The following TDRD12 variants were observed in gnomAD, a reference collection of about 807,000 sequenced individuals.
The protein encoded by TDRD12 is tudor domain containing 12, also known as putative ATP-dependent RNA helicase TDRD12.
A neutral mutation model predicts 133.5 loss-of-function variants in TDRD12; 158 were observed. That is an observed-to-expected ratio of 1.18 (90% CI 1.04 to 1.35). TDRD12 has a LOEUF of 1.35. TDRD12 is among the 40% of genes most tolerant of loss of function. The probability of loss-of-function intolerance (pLI) is 0.00; values close to 1 mark genes in which losing one functional copy is unlikely to be tolerated. For missense variants in TDRD12, 1,443 were observed against 1,321.3 expected (o/e 1.09, Z -1.43); for synonymous variants, 460 against 477.9 (o/e 0.96, Z 0.49).
At chr19:32,797,852 C>T in exon 15 of TDRD12, 3 of 701,028 alleles carry the variant, frequency 4.3e-6, no homozygotes, top group Non-Finnish European at 7.8e-6. Context: ...AATTGGGCTC[C>T]ATAAAGAGGA....
chr19:32,790,241 G>T (rs1479443598), intron 11 of TDRD12, among the ~76,000 whole-genome samples: 3 of 152,110 alleles, frequency 2.0e-5, no homozygotes, highest in Non-Finnish European at 2.9e-5. Context: ...GTCCTATCTG[G>T]TCTTGTTTTC....
intron 13 of TDRD12, 139 bp downstream of exon 13, chr19:32,791,207 C>T (rs989672505): frequency 2.3e-6 from 2 of 885,856 alleles, no homozygotes; most frequent in South Asian, 2.1e-5. Flanking sequence ...AGATTACAGG[C>T]ATGAGCCACC....
At chr19:32,798,791 T>G (rs1444035437) in intron 16 of TDRD12, among the ~76,000 whole-genome samples, 3 of 152,180 alleles carry the variant, frequency 2.0e-5, no homozygotes, top group Non-Finnish European at 4.4e-5. Flanking sequence ...CTTACTATTT[T>G]GGAGTATTTG....
chr19:32,758,593 A>G (rs1012787449), intron 8 of TDRD12, among the ~76,000 whole-genome samples: 2 of 152,128 alleles, frequency 1.3e-5, no homozygotes, highest in African/African-American at 2.4e-5. Context: ...GCTGCTATCA[A>G]TAGCCCAGAT....
At chr19:32,781,530 A>C (rs1402920899) in intron 11 of TDRD12, among the ~76,000 whole-genome samples, 1 of 152,166 alleles carries the variant, frequency 6.6e-6, no homozygotes, top group Non-Finnish European at 1.5e-5. Context: ...ACAAAACATA[A>C]ATTTTTTAGA....
intron 9 of TDRD12, 95 bp downstream of exon 32, chr19:32,826,844 T>A: frequency 1.3e-6 from 1 of 764,422 alleles, no homozygotes; most frequent in Non-Finnish European, 1.8e-6. Context: ...TTGGTGGAAG[T>A]GGACCGTTCA....
At chr19:32,742,734 A>G (rs898193053) in intron 3 of TDRD12, 47 bp from the exon 4 acceptor site, 51 of 1,521,332 alleles carry the variant, frequency 3.4e-5, no homozygotes, top group Admixed American at 6.3e-5. Flanking sequence ...GGAGTATGTT[A>G]TATATAATTT....
At chr19:32,789,116 C>A (rs1023936761) in intron 11 of TDRD12, among the ~76,000 whole-genome samples, 5 of 152,118 alleles carry the variant, frequency 3.3e-5, no homozygotes, top group Non-Finnish European at 5.9e-5. Context: ...CAGAGGTTCC[C>A]CCCTCTGCCA....
intron 10 of TDRD12, among the ~76,000 whole-genome samples, chr19:32,775,045 G>A (rs944077842): frequency 1.3e-4 from 20 of 151,416 alleles, no homozygotes; most frequent in African/African-American, 4.6e-4. Context: ...TATGCTTGGG[G>A]TTCATTAATG....
chr19:32,721,419 C>G (rs1241280408), intron 1 of TDRD12, among the ~76,000 whole-genome samples: 2 of 151,960 alleles, frequency 1.3e-5, no homozygotes, highest in African/African-American at 4.8e-5. Flanking sequence ...GAGTTTCGCT[C>G]TTGTTGTCTA....
At chr19:32,811,964 G>C (rs1967020675) in intron 24 of TDRD12, among the ~76,000 whole-genome samples, 1 of 152,268 alleles carries the variant, frequency 6.6e-6, no homozygotes, top group African/African-American at 2.4e-5. Context: ...GGAGAGGCCA[G>C]GTGATTCCAC....
At chr19:32,818,254 C>CA in intron 27 of TDRD12, 97 bp downstream of exon 27, 1 of 624,432 alleles carries the variant, frequency 1.6e-6, no homozygotes. Flanking sequence ...GAGGAGTCTC[C>CA]ACGGGCCGAG....
chr19:32,813,988 A>G (rs1401885955), intron 25 of TDRD12, among the ~76,000 whole-genome samples: 1 of 152,236 alleles, frequency 6.6e-6, no homozygotes, highest in African/African-American at 2.4e-5. Context: ...TTGTAACCCC[A>G]GCGCACACGT....
exon 20 of TDRD12, chr19:32,802,754 C>G (rs1273201924): frequency 3.9e-6 from 6 of 1,536,654 alleles, no homozygotes; most frequent in Non-Finnish European, 5.2e-6. Context: ...TGGTGGACGC[C>G]TGTATTGCAT....
chr19:32,738,009 C>T (rs1335336391), intron 2 of TDRD12, among the ~76,000 whole-genome samples: 13 of 152,040 alleles, frequency 8.6e-5, no homozygotes, highest in African/African-American at 2.9e-4. Context: ...TGGTGGCATG[C>T]GCCTGTAATC....
chr19:32,777,685 T>C (rs1970620237), intron 11 of TDRD12, among the ~76,000 whole-genome samples: 1 of 150,620 alleles, frequency 6.6e-6, no homozygotes, highest in Non-Finnish European at 1.5e-5. Context: ...TCCTCTGTCA[T>C]TTAGGCTGGA....
chr19:32,796,238 A>G (rs1971221627), intron 14 of TDRD12: 1 of 918,990 alleles, frequency 1.1e-6, no homozygotes, highest in Non-Finnish European at 1.3e-6. Context: ...GCAGTTAGGA[A>G]AAATACTAGC....
intron 2 of TDRD12, among the ~76,000 whole-genome samples, chr19:32,735,786 A>G (rs1477294437): frequency 6.6e-6 from 1 of 151,962 alleles, no homozygotes; most frequent in Non-Finnish European, 1.5e-5. Flanking sequence ...CCTGGCCAAC[A>G]TGGTGAAACC....
intron 4 of TDRD12, among the ~76,000 whole-genome samples, chr19:32,747,921 G>A (rs978570048): frequency 1.3e-5 from 2 of 152,072 alleles, no homozygotes; most frequent in African/African-American, 4.8e-5. Flanking sequence ...AGGCTGAGAT[G>A]AGAGGATCCC....
Sources: gnomAD v4.1 joint callset for allele counts (sites outside exome capture counted in the v4.1 genomes callset) on GRCh38, gnomAD v4.1.1 for gene constraint, MANE v1.5 for transcripts, NCBI Gene and HGNC (gene_info 2026-07-23, HGNC 2026-07-21) for gene names.